RHBDD1: variants seen among roughly 807,000 people sequenced by gnomAD.
RHBDD1 encodes the protein rhomboid domain containing 1.
A neutral mutation model predicts 36.3 loss-of-function variants in RHBDD1; 38 were observed. That is an observed-to-expected ratio of 1.05 (90% CI 0.81 to 1.37). The LOEUF (loss-of-function observed/expected upper bound fraction) is 1.37. RHBDD1 is among the 40% of genes most tolerant of loss of function. RHBDD1 has a pLI of 0.00. For synonymous variants in RHBDD1, 151 were observed against 136.5 expected, an observed-to-expected ratio of 1.11 and a Z score of -0.74; for missense variants, 393 against 377.6, an observed-to-expected ratio of 1.04 and a Z score of -0.34.
chr2:226,823,506 T>G, the RHBDD1 span, among the ~76,000 whole-genome samples: 1 of 152,198 alleles, frequency 6.6e-6, no homozygotes, highest in African/African-American at 2.4e-5. Flanking sequence ...AATGGTGCAC[T>G]AGACTTACCC....
At chr2:226,921,966 G>A (rs144112575) in intron 8 of RHBDD1, among the ~76,000 whole-genome samples, 113 of 152,076 alleles carry the variant, frequency 7.4e-4, no homozygotes, top group African/African-American at 2.6e-3. Context: ...TATTGGGATC[G>A]ATCGATCTCT....
At chr2:226,833,600 A>G (rs895534161), upstream of RHBDD1, among the ~76,000 whole-genome samples, 1 of 152,200 alleles carries the variant, frequency 6.6e-6, no homozygotes, top group African/African-American at 2.4e-5. Flanking sequence ...ATACCATTCA[A>G]TGTCTCACAT....
chr2:226,875,052 C>T lies in RHBDD1; in HGVS notation c.566+7734C>T, dbSNP rs370066788. ...CTGTAGTGTTTGTAGATTTATCTACCGTAAGCCCTTCCTCCATCATAATTA... is the reference window on the plus strand; with the variant it reads ...CTGTAGTGTTTGTAGATTTATCTACTGTAAGCCCTTCCTCCATCATAATTA... On this transcript the variant is annotated intron_variant, in intron 5 of 8. Coordinates refer to ENST00000392062, the MANE Select transcript of RHBDD1 (RefSeq NM_001167608.3). Among the ~76,000 whole-genome samples, 10 of 152,210 alleles carry T rather than the reference C, an allele frequency of 6.6e-5. No homozygotes were observed. The East Asian group carries it at 7.7e-4, about 12-fold the overall frequency.
In RHBDD1 at chr2:226,914,227, T is replaced by G; in HGVS notation, c.732T>G (p.Asp244Glu). The G allele has an allele frequency of 1.2e-6, 2 of 1,613,764 alleles. No homozygotes were observed. The highest frequency in any genetic ancestry group is 8.5e-7 in the Non-Finnish European group (1 of 1,179,748). Residue 244 changes from aspartate to glutamate, a missense_variant, in exon 8 of 9, where the codon GAT becomes GAG. Physicochemically the swap from Asp to Glu is conservative, Grantham distance 45. Transcript: ENST00000392062. ...FNSSGSSGYQ[D>E]YYPHGRPDHY... ...CTTTAGGCAGCTCTGGATATCAGGA[T>G]TATTATCCGCATGGCAGGCCAGATC...
chr2:226,982,622 T>C (rs1417834409), intron 8 of RHBDD1, among the ~76,000 whole-genome samples: 1 of 152,198 alleles, frequency 6.6e-6, no homozygotes, highest in Non-Finnish European at 1.5e-5. Context: ...ACAAATAGAC[T>C]GAATTGTGTT....
At chr2:226,970,935 A>G (rs1444635720) in intron 8 of RHBDD1, among the ~76,000 whole-genome samples, 3 of 152,206 alleles carry the variant, frequency 2.0e-5, no homozygotes, top group Non-Finnish European at 4.4e-5. Flanking sequence ...TTTCAAGTGT[A>G]TTAAAACATA....
chr2:226,946,875 G>C (rs1042393181), intron 8 of RHBDD1, among the ~76,000 whole-genome samples: 3 of 152,146 alleles, frequency 2.0e-5, no homozygotes, highest in Non-Finnish European at 4.4e-5. Context: ...TATTCATCAC[G>C]ATCAAGTTGG....
At chr2:226,837,111 C>A (rs1280456848) in intron 1 of RHBDD1, among the ~76,000 whole-genome samples, 1 of 152,150 alleles carries the variant, frequency 6.6e-6, no homozygotes, top group Admixed American at 6.5e-5. Flanking sequence ...TGATAACACC[C>A]ATTGTGGAAT....
chr2:226,885,313 A>G (rs572293888), intron 5 of RHBDD1, among the ~76,000 whole-genome samples: 204 of 152,314 alleles, frequency 1.3e-3, no homozygotes, highest in Non-Finnish European at 2.5e-3. Context: ...CTTTGATTCA[A>G]TAATTAGCTT....
rs1346875296 is a variant in RHBDD1 at position 226,870,690 on chromosome 2, ACAGT to A, written c.566+3376_566+3379del. Reference sequence around the variant, plus strand: ...ACTGAAAGCCTTACTAATAACATACACAGTCAGGTAACACACATTGTGCATGTTA... The same window carrying A: ...ACTGAAAGCCTTACTAATAACATACACAGGTAACACACATTGTGCATGTTA... On this transcript the variant is annotated intron_variant, in intron 5 of 8. Coordinates refer to ENST00000392062, the MANE Select transcript of RHBDD1 (RefSeq NM_001167608.3). Among the ~76,000 whole-genome samples the A allele has an allele frequency of 3.5e-4, 53 of 152,154 alleles. 1 individual carries two copies. Among genetic ancestry groups the A allele is most frequent in the Non-Finnish European group, 7.4e-5 (5 of 68,026 alleles).
At chr2:226,856,894 G>A (rs1943381853) in intron 3 of RHBDD1, among the ~76,000 whole-genome samples, 1 of 152,104 alleles carries the variant, frequency 6.6e-6, no homozygotes, top group Non-Finnish European at 1.5e-5. Flanking sequence ...CACAGAATTT[G>A]CAGTCAAATG....
chr2:226,995,378 C>T (rs1289203249), intron 8 of RHBDD1, 53 bp from the exon 9 acceptor site: 6 of 1,125,836 alleles, frequency 5.3e-6, no homozygotes, highest in African/African-American at 4.6e-5. Flanking sequence ...CTAGGGTACA[C>T]ATGCCTTGTC....
At chr2:226,937,768 T>A (rs1446413242) in intron 8 of RHBDD1, among the ~76,000 whole-genome samples, 1 of 152,174 alleles carries the variant, frequency 6.6e-6, no homozygotes, top group Non-Finnish European at 1.5e-5. Context: ...GCACAAGACA[T>A]CATTTCGGTT....
At chr2:226,967,431 T>A (rs894305258) in intron 8 of RHBDD1, among the ~76,000 whole-genome samples, 1 of 152,102 alleles carries the variant, frequency 6.6e-6, no homozygotes, top group Non-Finnish European at 1.5e-5. Context: ...ATGTGCACAA[T>A]GTGCAGGTTT....
intron 8 of RHBDD1, among the ~76,000 whole-genome samples, chr2:226,989,486 A>G (rs1957702555): frequency 6.6e-6 from 1 of 152,224 alleles, no homozygotes; most frequent in African/African-American, 2.4e-5. Context: ...TTGGTCTCAC[A>G]TGTCCAGTTT....
intron 3 of RHBDD1, among the ~76,000 whole-genome samples, chr2:226,843,303 T>G (rs1021706907): frequency 6.6e-6 from 1 of 152,208 alleles, no homozygotes; most frequent in African/African-American, 2.4e-5. Flanking sequence ...CTTCCAATAC[T>G]GTGTTGAATA....
At chr2:226,980,427 T>C (rs1955468980) in intron 8 of RHBDD1, among the ~76,000 whole-genome samples, 1 of 152,116 alleles carries the variant, frequency 6.6e-6, no homozygotes, top group Non-Finnish European at 1.5e-5. Flanking sequence ...AACGGGAGAT[T>C]TGGGGTGTGG....
At chr2:226,931,168 A>G (rs1005335820) in intron 8 of RHBDD1, among the ~76,000 whole-genome samples, 1 of 152,058 alleles carries the variant, frequency 6.6e-6, no homozygotes, top group Non-Finnish European at 1.5e-5. Flanking sequence ...CATTATATCA[A>G]AAGAAGTCAT....
rs887035897 is a variant in RHBDD1 at position 226,844,629 on chromosome 2, C to G, written c.-91+5002C>G. On this transcript the variant is annotated intron_variant, in intron 3 of 8. Transcript: ENST00000392062. ...CAAAGAAATCTGGTGCAGAGTAAAC[C>G]TGAATATGGAACTACTTAAATCCTG... Among the ~76,000 whole-genome samples, 8 of 152,284 alleles carry G rather than the reference C, an allele frequency of 5.3e-5. No homozygotes were observed. In the East Asian group the frequency reaches 1.5e-3, roughly 29 times the overall value.
Sources: gnomAD v4.1 joint callset for allele counts (sites outside exome capture counted in the v4.1 genomes callset) on GRCh38, gnomAD v4.1.1 for gene constraint, MANE v1.5 for transcripts, NCBI Gene and HGNC (gene_info 2026-07-23, HGNC 2026-07-21) for gene names.